Variants in STAU2 observed in about 807,000 individuals in gnomAD.
The protein encoded by STAU2 is staufen double-stranded RNA binding protein 2.
Under a neutral mutation model 65.9 loss-of-function variants are expected in STAU2, and 20 were observed. The observed-to-expected ratio is 0.30, with a 90% confidence interval of 0.21 to 0.44. The LOEUF is 0.44. Among genes scored for constraint, STAU2 ranks in the 20% least tolerant of loss-of-function variants. The probability of loss-of-function intolerance (pLI) is 1.00; values close to 1 mark genes in which losing one functional copy is unlikely to be tolerated. For synonymous variants in STAU2, 232 were observed against 233.9 expected (o/e 0.99, Z 0.07); for missense variants, 558 against 683.9 (o/e 0.82, Z 2.05).
intron 6 of STAU2, among the ~76,000 whole-genome samples, chr8:73,661,426 C>T (rs936599768): frequency 2.0e-5 from 3 of 152,086 alleles, no homozygotes; most frequent in African/African-American, 7.2e-5. Context: ...TGGAGGATTA[C>T]AAAATGTTAT....
At chr8:73,574,793 A>G (rs941754943) in intron 12 of STAU2, among the ~76,000 whole-genome samples, 15 of 152,088 alleles carry the variant, frequency 9.9e-5, no homozygotes, top group Admixed American at 6.5e-5. Context: ...GCATTAGGAG[A>G]TATACCTAAT....
At chr8:73,479,971 G>A (rs1820525636) in intron 13 of STAU2, among the ~76,000 whole-genome samples, 1 of 151,666 alleles carries the variant, frequency 6.6e-6, no homozygotes, top group South Asian at 2.1e-4. Flanking sequence ...TTCCCTCCTT[G>A]GTGTCATCTA....
At chr8:73,648,782 T>C (rs1410300054) in intron 6 of STAU2, among the ~76,000 whole-genome samples, 1 of 152,196 alleles carries the variant, frequency 6.6e-6, no homozygotes, top group Non-Finnish European at 1.5e-5. Flanking sequence ...CTTTCAGTTG[T>C]GTCTTGTTTT....
chr8:73,721,968 G>C (rs1821717880), intron 3 of STAU2, among the ~76,000 whole-genome samples: 1 of 152,018 alleles, frequency 6.6e-6, no homozygotes, highest in Non-Finnish European at 1.5e-5. Flanking sequence ...TTTGGTGTTT[G>C]TTCCTTTTTT....
At chr8:73,627,270 G>C (rs1386383054) in intron 6 of STAU2, among the ~76,000 whole-genome samples, 1 of 135,692 alleles carries the variant, frequency 7.4e-6, no homozygotes, top group African/African-American at 2.7e-5. Context: ...TTCTCAAGTG[G>C]GTCCCACATA....
chr8:73,463,827 G>C (rs1819504762), intron 13 of STAU2, among the ~76,000 whole-genome samples: 1 of 152,146 alleles, frequency 6.6e-6, no homozygotes, highest in African/African-American at 2.4e-5. Flanking sequence ...GACGAGATAA[G>C]GACAGTACCT....
At chr8:73,515,773 C>CTTTTTTTTTTT (rs75132374) in intron 13 of STAU2, among the ~76,000 whole-genome samples, 1 of 90,936 alleles carries the variant, frequency 1.1e-5, no homozygotes, top group Non-Finnish European at 2.1e-5. Context: ...AAAAATTTCT[C>CTTTTTTTTTTT]TTTTTTTTTT....
chr8:73,422,743 T>A, intron 13 of STAU2, 41 bp from the exon 14 acceptor site: 1 of 1,298,850 alleles, frequency 7.7e-7, no homozygotes, highest in Non-Finnish European at 1.0e-6. Flanking sequence ...TCACTGACTC[T>A]AGTGTAATGA....
At chr8:73,513,996 G>C (rs904741438) in intron 13 of STAU2, among the ~76,000 whole-genome samples, 4 of 152,170 alleles carry the variant, frequency 2.6e-5, no homozygotes, top group Non-Finnish European at 4.4e-5. Context: ...TCAATTTGTT[G>C]AGTGTCTTTT....
chr8:73,671,397 C>CAA lies in STAU2; in HGVS notation c.410+1708_410+1709dup, dbSNP rs551679527. 6.5e-4 allele frequency among the ~76,000 whole-genome samples: 97 copies of CAA among 149,538 alleles called. 1 individual carries two copies. The highest frequency in any genetic ancestry group is 2.0e-3 in the African/African-American group (82 of 40,820). ...TTCATCTAAAAAACAAACAAACAAA[C>CAA]AAAAAAAAACAAAAAAAACACTACT... is the stretch of plus-strand genomic sequence containing the variant. On this transcript the variant is annotated intron_variant, in intron 6 of 14. Transcript: ENST00000524300.
At chr8:73,734,533 C>A (rs777290517) in intron 3 of STAU2, among the ~76,000 whole-genome samples, 2 of 152,254 alleles carry the variant, frequency 1.3e-5, no homozygotes, top group East Asian at 3.9e-4. Flanking sequence ...CGGTGGCTCA[C>A]GCCTGTAATC....
chr8:73,742,203 T>G, intron 1 of STAU2: 13 of 985,178 alleles, frequency 1.3e-5, no homozygotes, highest in Non-Finnish European at 1.6e-5. Flanking sequence ...ATCAATAAAA[T>G]GCAGAGCAGT....
chr8:73,743,762 C>G, intron 1 of STAU2, among the ~76,000 whole-genome samples: 1 of 147,910 alleles, frequency 6.8e-6, no homozygotes, highest in Admixed American at 6.8e-5. Flanking sequence ...GCATGAGCCA[C>G]CATGCCCGGA....
At chr8:73,508,392 G>A (rs1291046071) in intron 13 of STAU2, among the ~76,000 whole-genome samples, 1 of 152,142 alleles carries the variant, frequency 6.6e-6, no homozygotes, top group Non-Finnish European at 1.5e-5. Context: ...GGAATGGGTG[G>A]TCAGTGGAGC....
In STAU2 at chr8:73,552,332, T is replaced by C. The variant is rs1563417077; in HGVS notation, c.1223-13A>G. On this transcript the variant is annotated splice_polypyrimidine_tract_variant and intron_variant, in intron 12 of 14. Coordinates refer to ENST00000524300, the MANE Select transcript of STAU2 (RefSeq NM_001164380.2). ...ATTCCTTTTGGAGCTATAAATAAAA[T>C]GAAGAACACTGTTATTACACTTAAA... 4 of 1,601,420 alleles carry C rather than the reference T, an allele frequency of 2.5e-6. No homozygotes were observed. The highest frequency in any genetic ancestry group is 1.1e-5 in the South Asian group (1 of 89,444).
chr8:73,741,508 C>CCTTTT (rs1334974597), intron 1 of STAU2, among the ~76,000 whole-genome samples: 4 of 151,402 alleles, frequency 2.6e-5, no homozygotes, highest in Admixed American at 2.6e-4. Flanking sequence ...AAAGTTCTAA[C>CCTTTT]CTTTTTTTTT....
At chr8:73,636,276 C>T (rs1236191464) in intron 6 of STAU2, among the ~76,000 whole-genome samples, 4 of 151,952 alleles carry the variant, frequency 2.6e-5, no homozygotes, top group Non-Finnish European at 5.9e-5. Flanking sequence ...ACTCAGGAGG[C>T]GGAGGTGGGG....
At position 73,435,477 on chromosome 8, in the gene STAU2, A is replaced by G. The variant is rs370805654; in HGVS notation, c.1531-12775T>C. On this transcript the variant is annotated intron_variant, in intron 13 of 14. Transcript: ENST00000524300. ...TGTTCTGTCTGTTCTCAGAGCCAGC[A>G]TCTTGCCCTGGTTGGCTTTCCTCTC... Among the ~76,000 whole-genome samples, 44 of 151,996 alleles carry G rather than the reference A, an allele frequency of 2.9e-4. No homozygotes were observed. In the South Asian group the frequency reaches 8.5e-3, roughly 29 times the overall value.
rs1418120796 is a variant in STAU2 at position 73,525,267 on chromosome 8, CATT to C, written c.1530+26742_1530+26744del. Among the ~76,000 whole-genome samples the C allele has an allele frequency of 5.3e-5, 8 of 152,286 alleles. No individual in the cohort carries two copies. In the East Asian group the frequency reaches 1.4e-3, roughly 26 times the overall value. ...TTAATATAAAAATGTCTTAATTTATCATTGAGTGCAATTGACATTCAGTTAGAT... is the reference window on the plus strand; with the variant it reads ...TTAATATAAAAATGTCTTAATTTATCGAGTGCAATTGACATTCAGTTAGAT... On this transcript the variant is annotated intron_variant, in intron 13 of 14. Transcript: ENST00000524300.
Sources: allele counts gnomAD v4.1 joint callset (sites outside exome capture counted in the v4.1 genomes callset), GRCh38; gene constraint gnomAD v4.1.1; transcripts MANE v1.5; gene names NCBI Gene and HGNC (gene_info 2026-07-23, HGNC 2026-07-21).